The following CHRNB3 variants were observed in gnomAD, a reference collection of about 807,000 sequenced individuals.
The protein encoded by CHRNB3 is neuronal acetylcholine receptor subunit beta-3.
Under a neutral mutation model 40.6 loss-of-function variants are expected in CHRNB3, and 37 were observed. The observed-to-expected ratio is 0.91, with a 90% CI of 0.70 to 1.20. The LOEUF (loss-of-function observed/expected upper bound fraction) is 1.20. CHRNB3 is among the 50% of genes most tolerant of loss of function. The probability of loss-of-function intolerance (pLI) is 0.00; values close to 1 mark genes in which losing one functional copy is unlikely to be tolerated. For missense variants in CHRNB3, 505 were observed against 551.2 expected (o/e 0.92, Z 0.84); for synonymous variants, 207 against 207.1 (o/e 1.00, Z 0.00).
chr8:42,724,082 AT>A (rs1021750936), intron 3 of CHRNB3, among the ~76,000 whole-genome samples: 1 of 151,048 alleles, frequency 6.6e-6, no homozygotes, highest in African/African-American at 2.5e-5. Flanking sequence ...GCGAAACTCC[AT>A]CTCAAAAAAA....
chr8:42,735,047 T>C (rs1012387589), intron 5 of CHRNB3, among the ~76,000 whole-genome samples: 12 of 150,446 alleles, frequency 8.0e-5, no homozygotes, highest in South Asian at 2.1e-4. Flanking sequence ...GGTGAAACCC[T>C]GTCTCTACAA....
intron 3 of CHRNB3, among the ~76,000 whole-genome samples, chr8:42,726,672 T>C (rs1166084407): frequency 6.6e-6 from 1 of 152,018 alleles, no homozygotes; most frequent in Non-Finnish European, 1.5e-5. Flanking sequence ...CTAATTTTTG[T>C]AGAGACAGGG....
intron 3 of CHRNB3, chr8:42,725,910 A>C: frequency 1.2e-6 from 1 of 858,316 alleles, no homozygotes; most frequent in Non-Finnish European, 2.0e-6. Context: ...AAAGTCTCGC[A>C]ATGGTTCTCT....
At chr8:42,698,537 C>G (rs577733549) in intron 1 of CHRNB3, among the ~76,000 whole-genome samples, 1 of 152,268 alleles carries the variant, frequency 6.6e-6, no homozygotes, top group Non-Finnish European at 1.5e-5. Context: ...ATTTCAAGTT[C>G]CCAAGGCTGC....
intron 1 of CHRNB3, among the ~76,000 whole-genome samples, chr8:42,703,028 G>A (rs2128904361): frequency 6.6e-6 from 1 of 152,254 alleles, no homozygotes; most frequent in African/African-American, 2.4e-5. Context: ...GGGCTGGGAT[G>A]GTCCTGGAGG....
chr8:42,712,173 A>T (rs1196615684), intron 3 of CHRNB3, among the ~76,000 whole-genome samples: 1 of 151,820 alleles, frequency 6.6e-6, no homozygotes, highest in Non-Finnish European at 1.5e-5. Context: ...TTGTATTTTT[A>T]GTAGAGATGG....
Position 42,736,526 on chromosome 8 carries a change from A to G in CHRNB3, c.1285A>G (p.Ile429Val). ...WKFVAQVLDR[I>V]FLWLFLIVSV... The stretch of plus-strand genomic sequence containing the variant: ...ATTTGTAGCTCAAGTTCTTGACCGA[A>G]TCTTCCTGTGGCTCTTTCTGATAGT... The change falls in exon 6 of 6, where the codon ATC becomes GTC. Residue 429 changes from isoleucine (I) to valine (V), a missense_variant. Physicochemically the swap from Ile to Val is conservative, Grantham distance 29 (BLOSUM62 3). Coordinates refer to ENST00000289957, the MANE Select transcript of CHRNB3 (RefSeq NM_000749.5). 1 of 1,614,174 alleles carries G rather than the reference A, an allele frequency of 6.2e-7. No individual in the cohort carries two copies. Among genetic ancestry groups the G allele is most frequent in the Non-Finnish European group, 8.5e-7 (1 of 1,180,046 alleles).
chr8:42,704,679 GGT>G (rs146719499), intron 1 of CHRNB3, among the ~76,000 whole-genome samples: 26 of 147,802 alleles, frequency 1.8e-4, no homozygotes, highest in Admixed American at 3.3e-4. Flanking sequence ...TGAGCTAATA[GGT>G]GTGTGTGTGT....
intron 1 of CHRNB3, among the ~76,000 whole-genome samples, chr8:42,705,001 C>G (rs888561800): frequency 6.6e-6 from 1 of 152,196 alleles, no homozygotes; most frequent in African/African-American, 2.4e-5. Flanking sequence ...TTCTGTGTGT[C>G]TTTCCATTCT....
chr8:42,735,526 A>G (rs112213226), intron 5 of CHRNB3, among the ~76,000 whole-genome samples: 4,238 of 152,240 alleles, frequency 0.028, 202 homozygotes, highest in African/African-American at 0.098. Context: ...GAGTGAGACT[A>G]TGTCTCAAAA....
chr8:42,710,145 A>AT (rs558636081), intron 2 of CHRNB3, among the ~76,000 whole-genome samples: 93 of 152,182 alleles, frequency 6.1e-4, no homozygotes, highest in South Asian at 2.7e-3. Context: ...ATTCAGATAG[A>AT]TTTTTCTGAT....
chr8:42,731,244 T>C (rs1816412680), intron 4 of CHRNB3, among the ~76,000 whole-genome samples: 1 of 151,964 alleles, frequency 6.6e-6, no homozygotes, highest in Non-Finnish European at 1.5e-5. Context: ...AACAGTTACC[T>C]GGCGTTGTGG....
In CHRNB3 at chr8:42,717,190, G is replaced by A. The variant is rs1442766063; in HGVS notation, c.249+6756G>A. ...AGATCGAGACCATCCCGGCTAAAAC[G>A]GTGAAACCCCGTCTCTACTAAAAAT... On this transcript the variant is annotated intron_variant, in intron 3 of 5. Transcript: ENST00000289957. Among the ~76,000 whole-genome samples the A allele has an allele frequency of 2.2e-5, 3 of 134,224 alleles. 1 individual carries two copies. The highest frequency in any genetic ancestry group is 5.0e-4 in the South Asian group (2 of 3,968). 88.1% of individuals were successfully genotyped at this position (134,224 alleles called of 152,430 possible).
rs145217554 is a variant in CHRNB3 at position 42,728,400 on chromosome 8, G to C, written c.250-2194G>C. ...TAGCCGGGTGTGGTGGTATACACCTGTGGTCCCAGCTACTTGGGAGCCTGA... is the reference window on the plus strand; with the variant it reads ...TAGCCGGGTGTGGTGGTATACACCTCTGGTCCCAGCTACTTGGGAGCCTGA... On this transcript the variant is annotated intron_variant, in intron 3 of 5. Transcript: ENST00000289957. 1.6e-4 allele frequency among the ~76,000 whole-genome samples: 25 copies of C among 152,140 alleles called. No individual in the cohort carries two copies. The East Asian group carries it at 2.9e-3, about 18-fold the overall frequency.
chr8:42,723,261 A>G (rs1816251815), intron 3 of CHRNB3, among the ~76,000 whole-genome samples: 1 of 151,962 alleles, frequency 6.6e-6, no homozygotes, highest in African/African-American at 2.4e-5. Context: ...CAGATATTTC[A>G]CTGTATTTTA....
intron 3 of CHRNB3, among the ~76,000 whole-genome samples, chr8:42,712,592 T>A (rs914989408): frequency 1.1e-4 from 17 of 152,220 alleles, no homozygotes; most frequent in African/African-American, 3.9e-4. Flanking sequence ...TTGGAATGTA[T>A]ATATAAAAAT....
At chr8:42,718,559 G>T (rs1023862026) in intron 3 of CHRNB3, among the ~76,000 whole-genome samples, 7 of 151,512 alleles carry the variant, frequency 4.6e-5, no homozygotes, top group Non-Finnish European at 8.8e-5. Context: ...TGTAGTCCCA[G>T]CTACTCGGGA....
At position 42,736,616 on chromosome 8, in the gene CHRNB3, T is replaced by G; in HGVS notation, c.1375T>G (p.Ter459GluextTer153). ...GAAGATGTGGCTACATAGTTACCAT[T>G]AGGAATTTAAAAGACATAAGACTAA... Reference protein sequence around the residue: ...ALKMWLHSYH* With the variant: ...ALKMWLHSYHE Residue 459 changes from the stop codon to glutamate (E), a stop_lost, in exon 6 of 6, where the codon TAG becomes GAG. Transcript: ENST00000289957. 1 of 1,614,130 alleles carries G rather than the reference T, an allele frequency of 6.2e-7. No individual in the cohort carries two copies. The highest frequency in any genetic ancestry group is 8.5e-7 in the Non-Finnish European group (1 of 1,180,036).
At chr8:42,725,681 TCTC>T in intron 3 of CHRNB3, 1 of 954,120 alleles carries the variant, frequency 1.0e-6, no homozygotes, top group East Asian at 2.4e-5. Context: ...AACCACGAGA[TCTC>T]CTGGAAATGC....
Sources: gnomAD v4.1 joint callset for allele counts (sites outside exome capture counted in the v4.1 genomes callset) on GRCh38, gnomAD v4.1.1 for gene constraint, MANE v1.5 for transcripts, NCBI Gene and HGNC (gene_info 2026-07-23, HGNC 2026-07-21) for gene names.